ROBO1: variants seen among roughly 807,000 people sequenced by gnomAD.
ROBO1 encodes roundabout homolog 1.
Under a neutral mutation model 195.9 loss-of-function variants are expected in ROBO1, and 149 were observed. The observed-to-expected ratio is 0.76, with a 90% confidence interval of 0.67 to 0.87. The LOEUF is 0.87. ROBO1 is among the 40% of genes least tolerant of loss of function. ROBO1 has a pLI of 0.00. For missense variants in ROBO1, 1,933 were observed against 2,068.3 expected, an observed-to-expected ratio of 0.93 and a Z score of 1.27; for synonymous variants, 816 against 733.2, an observed-to-expected ratio of 1.11 and a Z score of -1.82.
intron 2 of ROBO1, among the ~76,000 whole-genome samples, chr3:79,477,613 C>G (rs1051908212): frequency 3.3e-5 from 5 of 151,872 alleles, no homozygotes; most frequent in African/African-American, 1.2e-4. Context: ...ATATGTTTAC[C>G]AAGTTGGGTA....
chr3:79,572,154 A>G (rs1241089086), intron 2 of ROBO1, among the ~76,000 whole-genome samples: 1 of 152,046 alleles, frequency 6.6e-6, no homozygotes, highest in Non-Finnish European at 1.5e-5. Context: ...AAAGTACAAT[A>G]ATAATAATAA....
chr3:78,994,315 A>C (rs1290658843), intron 3 of ROBO1, among the ~76,000 whole-genome samples: 1 of 152,138 alleles, frequency 6.6e-6, no homozygotes, highest in Non-Finnish European at 1.5e-5. Context: ...ACTGAGATAA[A>C]TGGTGAGGAT....
At chr3:78,748,110 G>C (rs1408084580) in intron 4 of ROBO1, among the ~76,000 whole-genome samples, 1 of 152,160 alleles carries the variant, frequency 6.6e-6, no homozygotes, top group East Asian at 1.9e-4. Flanking sequence ...AGTATGTTAA[G>C]TGCACAGATT....
intron 2 of ROBO1, among the ~76,000 whole-genome samples, chr3:79,191,014 G>A (rs537260059): frequency 6.6e-5 from 10 of 151,456 alleles, no homozygotes; most frequent in South Asian, 2.1e-4. Context: ...TGAACTATAC[G>A]ATGTAAAACT....
In ROBO1 at chr3:79,098,761, C is replaced by CT. The variant is rs574908438; in HGVS notation, c.172+26694dup. 1.6e-4 allele frequency among the ~76,000 whole-genome samples: 24 copies of CT among 151,724 alleles called. 1 individual carries two copies. In the South Asian group the frequency reaches 2.5e-3, roughly 16 times the overall value. ...TCTCTTTAGAAGGCCATAGAAGAGG[C>CT]TTTTTTTGGCTTCTTTTAGAATTAA... On this transcript the variant is annotated intron_variant, in intron 3 of 30. Transcript: ENST00000464233.
At chr3:78,626,980 A>G (rs1014914272) in intron 26 of ROBO1, among the ~76,000 whole-genome samples, 2 of 152,222 alleles carry the variant, frequency 1.3e-5, no homozygotes, top group Non-Finnish European at 2.9e-5. Flanking sequence ...TTATTGATAC[A>G]AAAGGAACAC....
At chr3:79,233,669 CT>C (rs765959378) in intron 2 of ROBO1, among the ~76,000 whole-genome samples, 14 of 152,080 alleles carry the variant, frequency 9.2e-5, no homozygotes, top group Non-Finnish European at 2.1e-4. Flanking sequence ...GTCACATCCA[CT>C]CACCCGCATT....
At chr3:79,136,075 A>G (rs988158056) in intron 2 of ROBO1, among the ~76,000 whole-genome samples, 1 of 152,230 alleles carries the variant, frequency 6.6e-6, no homozygotes, top group African/African-American at 2.4e-5. Context: ...TGGTATTAAA[A>G]TAGGTAATAT....
chr3:78,972,111 A>G (rs1296179850), intron 3 of ROBO1, among the ~76,000 whole-genome samples: 1 of 152,206 alleles, frequency 6.6e-6, no homozygotes, highest in African/African-American at 2.4e-5. Context: ...CACATTCCTT[A>G]TAAATAGTCA....
At chr3:78,792,872 G>A (rs2084064652) in intron 4 of ROBO1, among the ~76,000 whole-genome samples, 1 of 151,996 alleles carries the variant, frequency 6.6e-6, no homozygotes, top group Non-Finnish European at 1.5e-5. Context: ...GGCGAAGGTG[G>A]GAGGATCACT....
At chr3:79,234,172 A>G (rs1378040648) in intron 2 of ROBO1, among the ~76,000 whole-genome samples, 1 of 152,116 alleles carries the variant, frequency 6.6e-6, no homozygotes, top group Non-Finnish European at 1.5e-5. Flanking sequence ...TTTGTTGTGC[A>G]GAAGCACTTT....
chr3:78,951,993 T>C (rs1191226522), intron 3 of ROBO1, among the ~76,000 whole-genome samples: 5 of 151,722 alleles, frequency 3.3e-5, no homozygotes, highest in Non-Finnish European at 7.4e-5. Context: ...TTTTATTCTT[T>C]ATTCATATAT....
chr3:79,562,002 G>A (rs2107713293), intron 2 of ROBO1, among the ~76,000 whole-genome samples: 1 of 152,202 alleles, frequency 6.6e-6, no homozygotes, highest in Non-Finnish European at 1.5e-5. Context: ...TAATTCTTAG[G>A]TGACAAATGA....
At chr3:79,334,944 A>C (rs543898235) in intron 2 of ROBO1, among the ~76,000 whole-genome samples, 1 of 152,076 alleles carries the variant, frequency 6.6e-6, no homozygotes, top group African/African-American at 2.4e-5. Context: ...TGTGTCTACT[A>C]AAAGTACAAA....
chr3:78,626,557 T>C (rs1259780384), intron 26 of ROBO1, among the ~76,000 whole-genome samples: 3 of 152,072 alleles, frequency 2.0e-5, no homozygotes, highest in Non-Finnish European at 4.4e-5. Context: ...CAGAAAATAA[T>C]GTATACATAT....
At chr3:79,111,142 A>C (rs1225913789) in intron 3 of ROBO1, among the ~76,000 whole-genome samples, 1 of 152,180 alleles carries the variant, frequency 6.6e-6, no homozygotes, top group African/African-American at 2.4e-5. Context: ...TTATAGAAAC[A>C]ATATACCCAG....
chr3:79,607,602 G>T (rs1944529255), intron 1 of ROBO1, among the ~76,000 whole-genome samples: 1 of 147,630 alleles, frequency 6.8e-6, no homozygotes. Flanking sequence ...GTATTTCCAA[G>T]TTTTTTTTTT....
At chr3:79,221,763 T>A (rs187177397) in intron 2 of ROBO1, among the ~76,000 whole-genome samples, 4 of 152,202 alleles carry the variant, frequency 2.6e-5, no homozygotes, top group Admixed American at 6.6e-5. Context: ...TGTAATAAAC[T>A]ATAAGGAGCC....
intron 1 of ROBO1, among the ~76,000 whole-genome samples, chr3:79,685,543 A>G (rs984271062): frequency 6.6e-6 from 1 of 152,188 alleles, no homozygotes; most frequent in African/African-American, 2.4e-5. Context: ...GATAAAGCAA[A>G]TAATGATAAG....
Sources: gnomAD v4.1 joint callset for allele counts (sites outside exome capture counted in the v4.1 genomes callset) on GRCh38, gnomAD v4.1.1 for gene constraint, MANE v1.5 for transcripts, NCBI Gene and HGNC (gene_info 2026-07-23, HGNC 2026-07-21) for gene names.